ALDH1L2: variants seen among roughly 807,000 people sequenced by gnomAD.
ALDH1L2 encodes mitochondrial 10-formyltetrahydrofolate dehydrogenase.
A neutral mutation model predicts 111.0 loss-of-function variants in ALDH1L2; 91 were observed. The ratio of observed to expected loss-of-function variants is 0.82; its 90% confidence interval spans 0.69 to 0.98. The LOEUF is 0.98. ALDH1L2 is among the 50% of genes least tolerant of loss of function. The probability of loss-of-function intolerance (pLI) is 0.00; values close to 1 mark genes in which losing one functional copy is unlikely to be tolerated. For missense variants in ALDH1L2, 995 were observed against 1,126.8 expected, an observed-to-expected ratio of 0.88 and a Z score of 1.67; for synonymous variants, 374 against 392.6, an observed-to-expected ratio of 0.95 and a Z score of 0.56.
chr12:105,049,828 G>A (rs1592783092), intron 13 of ALDH1L2, 80 bp downstream of exon 13: 1 of 1,416,052 alleles, frequency 7.1e-7, no homozygotes, highest in Non-Finnish European at 9.3e-7. Context: ...TACATAAAAA[G>A]AGGATCTGAC....
intron 4 of ALDH1L2, among the ~76,000 whole-genome samples, chr12:105,066,956 C>T (rs909083376): frequency 7.9e-5 from 12 of 152,050 alleles, no homozygotes; most frequent in Non-Finnish European, 1.6e-4. Flanking sequence ...AGGCCGGGCG[C>T]AGTGGCTCAC....
At chr12:105,052,307 A>G (rs1430608616) in intron 11 of ALDH1L2, 90 bp from the exon 12 acceptor site, 1 of 1,295,516 alleles carries the variant, frequency 7.7e-7, no homozygotes, top group Non-Finnish European at 1.0e-6. Context: ...AAAATAGAGT[A>G]TTACTGATTT....
At position 105,030,356 on chromosome 12, in the gene ALDH1L2, C is replaced by T. The variant is rs1342239776; in HGVS notation, c.2484G>A (p.Gly828=). The change falls in exon 21 of 23, where the codon GGG becomes GGA. Residue 828 remains glycine, a synonymous_variant. Transcript: ENST00000258494. ...GGAATTTAGAAATGACCATAATAGG[C>T]CCAAAGGATTCCTCTTTGGCGAGGT... ...YMYLAKEESF[G]PIMVISKFQN... The T allele has an allele frequency of 6.2e-7, 1 of 1,613,334 alleles. No individual in the cohort carries two copies. The highest frequency in any genetic ancestry group is 1.7e-5 in the Admixed American group (1 of 59,968).
intron 22 of ALDH1L2, among the ~76,000 whole-genome samples, chr12:105,025,971 T>A (rs2095925056): frequency 6.6e-6 from 1 of 152,230 alleles, no homozygotes; most frequent in African/African-American, 2.4e-5. Flanking sequence ...CTGGCATGTG[T>A]TTCGCACTGA....
In ALDH1L2 at chr12:105,027,405, C is replaced by T. The variant is rs576501144; in HGVS notation, c.2517-661G>A. On this transcript the variant is annotated intron_variant, in intron 21 of 22. Coordinates refer to ENST00000258494, the MANE Select transcript of ALDH1L2 (RefSeq NM_001034173.4). Reference sequence around the variant, plus strand: ...TTCAGAGTGTCCTCCCTATTTCCTTCCATCTCTTCCGATTTTGCACATAAG... The same window carrying T: ...TTCAGAGTGTCCTCCCTATTTCCTTTCATCTCTTCCGATTTTGCACATAAG... 2.0e-5 allele frequency among the ~76,000 whole-genome samples: 3 copies of T among 152,312 alleles called. No homozygotes were observed. The South Asian group carries it at 6.2e-4, about 32-fold the overall frequency.
intron 1 of ALDH1L2, among the ~76,000 whole-genome samples, chr12:105,080,246 C>A (rs1878272035): frequency 6.6e-6 from 1 of 152,130 alleles, no homozygotes; most frequent in South Asian, 2.1e-4. Context: ...TGTTTTCTCA[C>A]CCCTGCTAAA....
chr12:105,051,264 C>G, intron 12 of ALDH1L2, among the ~76,000 whole-genome samples: 1 of 152,178 alleles, frequency 6.6e-6, no homozygotes, highest in East Asian at 1.9e-4. Context: ...CTCCCTTGCT[C>G]TCCCATTGGG....
In ALDH1L2 at chr12:105,023,791, G is replaced by C. The variant is rs1874276702; in HGVS notation, c.*633C>G. ...TTACTAAAATTTAAACTATGTGGGG[G>C]CCAGCCATCATATCATTAAATTCTC... On this transcript the variant is annotated 3_prime_UTR_variant, in exon 23 of 23. Coordinates refer to ENST00000258494, the MANE Select transcript of ALDH1L2 (RefSeq NM_001034173.4). The C allele has an allele frequency of 1.3e-5, 2 of 152,102 alleles. No homozygotes were observed. Among genetic ancestry groups the C allele is most frequent in the Non-Finnish European group, 2.9e-5 (2 of 68,030 alleles). 9.4% of individuals were successfully genotyped at this position (152,102 alleles called of 1,614,324 possible).
chr12:105,084,415 C>G lies in ALDH1L2; in HGVS notation c.22G>C (p.Ala8Pro). Reference protein sequence around the residue: MLRRGSQALRRFSTGRVY... With the variant: MLRRGSQPLRRFSTGRVY... ...CGGCCAGTGGAGAAGCGCCGGAGCG[C>G]CTGGCTGCCCCGCCGCAGCATGCTG... Residue 8 changes from alanine to proline, a missense_variant, in exon 1 of 23, where the codon GCG (alanine) becomes CCG (proline). Transcript: ENST00000258494. 1 of 1,494,800 alleles carries G rather than the reference C, an allele frequency of 6.7e-7. No homozygotes were observed. The highest frequency in any genetic ancestry group is 8.9e-7 in the Non-Finnish European group (1 of 1,128,928). 92.6% of individuals were successfully genotyped at this position (1,494,800 alleles called of 1,614,324 possible).
chr12:105,064,376 G>C (rs186590092), intron 6 of ALDH1L2, among the ~76,000 whole-genome samples: 61 of 152,126 alleles, frequency 4.0e-4, no homozygotes, highest in African/African-American at 1.3e-3. Flanking sequence ...CAGTGGTTAA[G>C]AAACCTGCCC....
chr12:105,024,359 C>T lies in ALDH1L2; in HGVS notation c.*65G>A. 1 of 1,581,036 alleles carries T rather than the reference C, an allele frequency of 6.3e-7. No individual in the cohort carries two copies. The highest frequency in any genetic ancestry group is 8.7e-7 in the Non-Finnish European group (1 of 1,152,056). The stretch of plus-strand genomic sequence containing the variant: ...CACCTCCTGCCTCAACACACCCAAT[C>T]TTCTTAAGTGTGTCCAGAGTTGTAA... On this transcript the variant is annotated 3_prime_UTR_variant, in exon 23 of 23. Transcript: ENST00000258494.
intron 18 of ALDH1L2, among the ~76,000 whole-genome samples, chr12:105,036,047 GTA>G (rs1196070012): frequency 1.1e-5 from 1 of 94,760 alleles, no homozygotes; most frequent in Admixed American, 1.2e-4. Context: ...TTATATATGT[GTA>G]TATATATTAT....
At chr12:105,053,951 G>A (rs1017358632) in intron 10 of ALDH1L2, among the ~76,000 whole-genome samples, 3 of 151,754 alleles carry the variant, frequency 2.0e-5, no homozygotes, top group Non-Finnish European at 4.4e-5. Flanking sequence ...TGTTTTGCAG[G>A]TAATAATTAC....
rs1235628823 is a variant in ALDH1L2 at position 105,023,705 on chromosome 12, T to C, written c.*719A>G. 6.6e-6 allele frequency: 1 copy of C among 152,216 alleles called. No homozygotes were observed. The highest frequency in any genetic ancestry group is 1.5e-5 in the Non-Finnish European group (1 of 68,048). The allele number at this position is 152,216 out of a possible 1,614,324, so 9.4% of individuals were successfully genotyped here. ...CAAAGTTACATAGATAGGAAGATGG[T>C]ATGATACGACCAGGATCAGCCTTCT... On this transcript the variant is annotated 3_prime_UTR_variant, in exon 23 of 23. Coordinates refer to ENST00000258494, the MANE Select transcript of ALDH1L2 (RefSeq NM_001034173.4).
chr12:105,022,009 G>T lies in ALDH1L2; in HGVS notation c.*2415C>A, dbSNP rs1005333120. On this transcript the variant is annotated 3_prime_UTR_variant, in exon 23 of 23. Coordinates refer to ENST00000258494, the MANE Select transcript of ALDH1L2 (RefSeq NM_001034173.4). ...AAAGTGTCCACACCTCCCGATTCAG[G>T]TGATAATAAGATCACAGCTTCATCC... 1 of 152,202 alleles carries T rather than the reference G, an allele frequency of 6.6e-6. No individual in the cohort carries two copies. The highest frequency in any genetic ancestry group is 2.4e-5 in the African/African-American group (1 of 41,456). The allele number at this position is 152,202 out of a possible 1,614,324, so 9.4% of individuals were successfully genotyped here. A position where few individuals can be genotyped will look rare whatever the true frequency, so the allele number is the denominator to read the frequency against.
intron 19 of ALDH1L2, 63 bp downstream of exon 19, chr12:105,034,237 T>C: frequency 2.0e-6 from 3 of 1,472,190 alleles, no homozygotes; most frequent in Admixed American, 3.6e-5. Flanking sequence ...ATCCTAGAAG[T>C]AGGATTTTTC....
chr12:105,072,051 G>A (rs1218915265), intron 2 of ALDH1L2, among the ~76,000 whole-genome samples: 2 of 150,980 alleles, frequency 1.3e-5, no homozygotes, highest in African/African-American at 4.9e-5. Flanking sequence ...GTGCCACTAC[G>A]CTCCAGCCTG....
intron 6 of ALDH1L2, among the ~76,000 whole-genome samples, chr12:105,063,467 C>T (rs965290144): frequency 7.0e-6 from 1 of 143,366 alleles, no homozygotes; most frequent in Non-Finnish European, 1.5e-5. Flanking sequence ...CAGAGCCAGA[C>T]TCTGTCTCAA....
intron 6 of ALDH1L2, among the ~76,000 whole-genome samples, chr12:105,064,816 T>A (rs1011653560): frequency 6.6e-6 from 1 of 152,194 alleles, no homozygotes; most frequent in Non-Finnish European, 1.5e-5. Context: ...GCTCTCCCCA[T>A]GCCTGTCCTC....
Sources: allele counts gnomAD v4.1 joint callset (sites outside exome capture counted in the v4.1 genomes callset), GRCh38; gene constraint gnomAD v4.1.1; transcripts MANE v1.5; gene names NCBI Gene and HGNC (gene_info 2026-07-23, HGNC 2026-07-21).